Variants in RBBP8 observed in about 807,000 individuals in gnomAD.
The protein encoded by RBBP8 is RB binding protein 8, endonuclease, also known as DNA endonuclease RBBP8.
RBBP8 carries 88 observed loss-of-function variants against 108.3 expected under a neutral mutation model. The observed-to-expected ratio is 0.81, with a 90% CI of 0.68 to 0.97. The LOEUF (loss-of-function observed/expected upper bound fraction) is 0.97. Among genes scored for constraint, RBBP8 ranks in the 50% least tolerant of loss-of-function variants. The pLI, the probability that RBBP8 is intolerant of heterozygous loss-of-function variation, is 0.00. For synonymous variants in RBBP8, 332 were observed against 348.2 expected (o/e 0.95, Z 0.52); for missense variants, 1,023 against 1,049.0 (o/e 0.98, Z 0.34).
At chr18:22,939,940 A>G (rs1376064037) in intron 2 of RBBP8, among the ~76,000 whole-genome samples, 2 of 152,182 alleles carry the variant, frequency 1.3e-5, no homozygotes, top group African/African-American at 4.8e-5. Flanking sequence ...TTTTCTGAGT[A>G]GAGAGAATAG....
chr18:22,916,453 C>A (rs1909360349), intron 2 of RBBP8, among the ~76,000 whole-genome samples: 1 of 148,616 alleles, frequency 6.7e-6, no homozygotes, highest in African/African-American at 2.5e-5. Context: ...GCCAGAACAT[C>A]CAGGTTTCCT....
intron 4 of RBBP8, among the ~76,000 whole-genome samples, chr18:22,960,656 T>C (rs1236374293): frequency 2.0e-5 from 3 of 152,216 alleles, no homozygotes; most frequent in East Asian, 3.9e-4. Flanking sequence ...GGCGCAGTAG[T>C]GCAATAATAG....
intron 1 of RBBP8, among the ~76,000 whole-genome samples, chr18:22,936,362 A>G (rs1261349395): frequency 2.0e-5 from 3 of 152,198 alleles, no homozygotes; most frequent in Non-Finnish European, 4.4e-5. Flanking sequence ...TCAGCCTCCC[A>G]AAGAGCTAGG....
chr18:22,994,597 G>C (rs1459488449), intron 12 of RBBP8, among the ~76,000 whole-genome samples: 3 of 148,296 alleles, frequency 2.0e-5, no homozygotes, highest in African/African-American at 7.4e-5. Context: ...AGCCGAGATC[G>C]TGCCACTGCA....
chr18:22,984,779 TAC>T (rs1188658823), intron 7 of RBBP8, 105 bp from the exon 8 acceptor site: 12 of 630,762 alleles, frequency 1.9e-5, no homozygotes, highest in Non-Finnish European at 3.2e-5. Context: ...TGGATTTAAA[TAC>T]AGATAATACA....
chr18:22,987,457 A>C (rs1915406401), intron 8 of RBBP8, among the ~76,000 whole-genome samples: 1 of 151,758 alleles, frequency 6.6e-6, no homozygotes, highest in Non-Finnish European at 1.5e-5. Context: ...CTCTCTATTT[A>C]TTTATTTATT....
At position 22,953,732 on chromosome 18, in the gene RBBP8, A is replaced by AT. The variant is rs1398659964; in HGVS notation, c.248+4020dup. On this transcript the variant is annotated intron_variant, in intron 4 of 18. Transcript: ENST00000327155. Reference sequence around the variant, plus strand: ...AATTACTTTCTTTTATGTAGTCTATATATTTTTTTTTTATTTTTATTTTTC... The same window carrying AT: ...AATTACTTTCTTTTATGTAGTCTATATTATTTTTTTTTTATTTTTATTTTTC... Among the ~76,000 whole-genome samples the AT allele has an allele frequency of 6.8e-4, 102 of 150,192 alleles. No individual in the cohort carries two copies. The East Asian group carries it at 0.013, about 19-fold the overall frequency.
intron 5 of RBBP8, among the ~76,000 whole-genome samples, chr18:22,969,178 T>G (rs1913879707): frequency 6.6e-6 from 1 of 151,710 alleles, no homozygotes; most frequent in Non-Finnish European, 1.5e-5. Flanking sequence ...AGGTGGTGTT[T>G]TTTTTTTTTG....
chr18:22,956,782 T>C (rs949028119), intron 4 of RBBP8, among the ~76,000 whole-genome samples: 1 of 152,182 alleles, frequency 6.6e-6, no homozygotes, highest in Non-Finnish European at 1.5e-5. Context: ...AGTTCTAAGT[T>C]CTAATTTTAT....
chr18:22,967,733 G>A (rs1177684670), intron 4 of RBBP8, among the ~76,000 whole-genome samples: 3 of 144,348 alleles, frequency 2.1e-5, no homozygotes, highest in South Asian at 2.2e-4. Flanking sequence ...TGCAAGCTCC[G>A]CCTCCCAGGC....
At chr18:22,964,735 C>A (rs1287563944) in intron 4 of RBBP8, among the ~76,000 whole-genome samples, 2 of 151,700 alleles carry the variant, frequency 1.3e-5, no homozygotes, top group African/African-American at 2.4e-5. Context: ...GCAATTAATT[C>A]TTTTTTGCTT....
intron 1 of RBBP8, among the ~76,000 whole-genome samples, chr18:22,934,438 C>T (rs1207065599): frequency 6.6e-6 from 1 of 152,020 alleles, no homozygotes; most frequent in Non-Finnish European, 1.5e-5. Flanking sequence ...GTAATTAAAC[C>T]TTCATTTTAA....
At chr18:22,987,736 G>A (rs1405265569) in intron 8 of RBBP8, among the ~76,000 whole-genome samples, 1 of 152,222 alleles carries the variant, frequency 6.6e-6, no homozygotes, top group African/African-American at 2.4e-5. Context: ...TTACAGGCGT[G>A]AACCACTGTA....
At chr18:23,006,309 T>G (rs532182178) in intron 15 of RBBP8, 54 bp from the exon 16 acceptor site, 1 of 1,482,114 alleles carries the variant, frequency 6.7e-7, no homozygotes, top group African/African-American at 1.4e-5. Context: ...AGCTAGTTAA[T>G]TATTTCTCAT....
At chr18:22,977,222 T>TA (rs1411021521) in intron 6 of RBBP8, among the ~76,000 whole-genome samples, 1 of 150,340 alleles carries the variant, frequency 6.7e-6, no homozygotes, top group African/African-American at 2.5e-5. Flanking sequence ...GTTTTGTTTT[T>TA]AAAAAAGCAA....
chr18:22,943,512 T>A (rs1235290385), intron 2 of RBBP8, among the ~76,000 whole-genome samples: 1 of 152,076 alleles, frequency 6.6e-6, no homozygotes, highest in African/African-American at 2.4e-5. Context: ...CATCTGTAAA[T>A]AATAAAATCC....
intron 7 of RBBP8, among the ~76,000 whole-genome samples, chr18:22,982,923 T>G (rs926834727): frequency 3.3e-5 from 5 of 152,220 alleles, no homozygotes; most frequent in Admixed American, 3.3e-4. Context: ...TCTTCTTAGC[T>G]CTGAACTTTC....
At chr18:23,017,948 T>C (rs1383016268) in intron 17 of RBBP8, among the ~76,000 whole-genome samples, 2 of 151,664 alleles carry the variant, frequency 1.3e-5, no homozygotes, top group African/African-American at 2.4e-5. Context: ...GGTTTCACTA[T>C]TTGGCCAGGC....
chr18:23,020,745 A>G (rs916603323), intron 17 of RBBP8, among the ~76,000 whole-genome samples: 2 of 152,186 alleles, frequency 1.3e-5, no homozygotes, highest in African/African-American at 4.8e-5. Context: ...TTTCTGTTCA[A>G]CCACTCACCC....
Sources: allele counts gnomAD v4.1 joint callset (sites outside exome capture counted in the v4.1 genomes callset), GRCh38; gene constraint gnomAD v4.1.1; transcripts MANE v1.5; gene names NCBI Gene and HGNC (gene_info 2026-07-23, HGNC 2026-07-21).